CALD1: variants seen among roughly 807,000 people sequenced by gnomAD.
CALD1 encodes caldesmon.
CALD1 carries 33 observed loss-of-function variants against 99.9 expected under a neutral mutation model. That is an observed-to-expected ratio of 0.33 (90% CI 0.25 to 0.44). The LOEUF (loss-of-function observed/expected upper bound fraction) is 0.44, where lower values mean the gene tolerates loss of function less well. CALD1 is among the 20% of genes least tolerant of loss of function. The pLI is 1.00. For missense variants in CALD1, 861 were observed against 962.1 expected, an observed-to-expected ratio of 0.89 and a Z score of 1.39; for synonymous variants, 310 against 325.0, an observed-to-expected ratio of 0.95 and a Z score of 0.50.
intron 1 of CALD1, among the ~76,000 whole-genome samples, chr7:134,824,182 A>C (rs1334469054): frequency 6.6e-6 from 1 of 152,144 alleles, no homozygotes; most frequent in Non-Finnish European, 1.5e-5. Context: ...TACATACTGC[A>C]ATTTGTTTGG....
chr7:134,729,399 C>T, the CALD1 span, among the ~76,000 whole-genome samples: 3 of 152,220 alleles, frequency 2.0e-5, no homozygotes, highest in Admixed American at 6.5e-5. Flanking sequence ...AGGTGGTTTC[C>T]GATGTCTACC....
chr7:134,959,873 A>G, intron 11 of CALD1, 101 bp from the exon 12 acceptor site: 1 of 1,286,184 alleles, frequency 7.8e-7, no homozygotes, highest in Middle Eastern at 2.0e-4. Context: ...TGTTTACACA[A>G]TGAATTTTTA....
intron 3 of CALD1, among the ~76,000 whole-genome samples, chr7:134,892,339 C>T (rs772676658): frequency 2.6e-5 from 4 of 152,148 alleles, no homozygotes; most frequent in Non-Finnish European, 5.9e-5. Context: ...AGACAACAGT[C>T]GGTAGCAAAG....
chr7:134,757,751 C>T (rs575109456), intron 1 of CALD1, among the ~76,000 whole-genome samples: 43 of 152,026 alleles, frequency 2.8e-4, no homozygotes, highest in African/African-American at 3.1e-4. Flanking sequence ...TGGTGGTGCG[C>T]GCCTGTGATC....
intron 7 of CALD1, among the ~76,000 whole-genome samples, chr7:134,942,312 G>A (rs112622845): frequency 7.9e-5 from 12 of 152,264 alleles, no homozygotes; most frequent in South Asian, 2.1e-4. Context: ...AAAAGCAGGC[G>A]GAGCTACTAG....
intron 3 of CALD1, among the ~76,000 whole-genome samples, chr7:134,921,714 A>G (rs1804635215): frequency 6.6e-6 from 1 of 152,226 alleles, no homozygotes; most frequent in Non-Finnish European, 1.5e-5. Flanking sequence ...CGGGAGGCTG[A>G]GACACAAGAA....
chr7:134,963,994 C>G (rs987326323), intron 13 of CALD1, among the ~76,000 whole-genome samples: 1 of 152,060 alleles, frequency 6.6e-6, no homozygotes, highest in African/African-American at 2.4e-5. Flanking sequence ...GTCAGGAGAT[C>G]GAGACCATCC....
At chr7:134,773,717 T>C (rs1403744969) in intron 1 of CALD1, among the ~76,000 whole-genome samples, 1 of 152,170 alleles carries the variant, frequency 6.6e-6, no homozygotes, top group East Asian at 1.9e-4. Context: ...TCTTCTCTTA[T>C]CTCACTGAGA....
At chr7:134,842,454 T>C (rs1271829968) in intron 1 of CALD1, among the ~76,000 whole-genome samples, 11 of 152,210 alleles carry the variant, frequency 7.2e-5, no homozygotes, top group Admixed American at 5.2e-4. Flanking sequence ...AAGCAAATCA[T>C]ATTATGAAAA....
intron 1 of CALD1, among the ~76,000 whole-genome samples, chr7:134,796,311 G>A (rs1229701986): frequency 6.6e-6 from 1 of 152,196 alleles, no homozygotes; most frequent in East Asian, 1.9e-4. Flanking sequence ...TGATGCCAAG[G>A]TGGGGAGCAA....
intron 1 of CALD1, among the ~76,000 whole-genome samples, chr7:134,796,979 C>T (rs1585962581): frequency 6.6e-6 from 1 of 152,018 alleles, no homozygotes; most frequent in Admixed American, 6.6e-5. Context: ...AGACAGACTG[C>T]CATTCAATTG....
Position 134,933,187 on chromosome 7 carries a change from G to C in CALD1, c.418G>C (p.Asp140His). The change falls in exon 5 of 15, where the codon GAC becomes CAC. Residue 140 changes from aspartate to histidine, a missense_variant. By Grantham distance (81) the Asp-to-His change is moderately conservative. Transcript: ENST00000361675. ...LSLPSRRMQN[D>H]TAENETTEKE... ...GCTCCCAAGCAGAAGAATGCAAAAT[G>C]ACACAGCAGAAAATGAAACTACCGA... The C allele has an allele frequency of 1.9e-6, 3 of 1,612,654 alleles. No individual in the cohort carries two copies.
intron 7 of CALD1, chr7:134,944,553 A>G (rs1472413997): frequency 2.0e-5 from 3 of 151,904 alleles, no homozygotes; most frequent in Non-Finnish European, 4.4e-5. Context: ...TATAAAATCA[A>G]TATTGCACAG....
intron 7 of CALD1, among the ~76,000 whole-genome samples, chr7:134,943,068 G>A (rs902484873): frequency 6.6e-6 from 1 of 152,148 alleles, no homozygotes; most frequent in Non-Finnish European, 1.5e-5. Flanking sequence ...AGCCACCAAC[G>A]TATGTGAGTT....
At chr7:134,740,892 T>A (rs1206309922), upstream of CALD1, among the ~76,000 whole-genome samples, 1 of 152,252 alleles carries the variant, frequency 6.6e-6, no homozygotes, top group South Asian at 2.1e-4. Flanking sequence ...ATTCTTACCA[T>A]GTGCAAGGCA....
intron 1 of CALD1, among the ~76,000 whole-genome samples, chr7:134,826,751 C>T (rs1038278861): frequency 6.6e-6 from 1 of 152,046 alleles, no homozygotes; most frequent in Non-Finnish European, 1.5e-5. Context: ...ATAATTGGGG[C>T]CTCCATCTCA....
At chr7:134,963,616 G>A (rs1808444832) in intron 13 of CALD1, among the ~76,000 whole-genome samples, 1 of 152,198 alleles carries the variant, frequency 6.6e-6, no homozygotes, top group African/African-American at 2.4e-5. Flanking sequence ...GCAAATGCTG[G>A]AAGAAAAGTA....
At chr7:134,919,111 C>A (rs1563095414) in intron 3 of CALD1, among the ~76,000 whole-genome samples, 1 of 152,004 alleles carries the variant, frequency 6.6e-6, no homozygotes, top group African/African-American at 2.4e-5. Flanking sequence ...AATAATAAAC[C>A]CAAACAATTA....
At chr7:134,729,275 A>G in the CALD1 span, among the ~76,000 whole-genome samples, 2 of 152,212 alleles carry the variant, frequency 1.3e-5, no homozygotes, top group African/African-American at 4.8e-5. Context: ...CCTATCATAG[A>G]GTAGTATTAT....
Sources: gnomAD v4.1 joint callset for allele counts (sites outside exome capture counted in the v4.1 genomes callset) on GRCh38, gnomAD v4.1.1 for gene constraint, MANE v1.5 for transcripts, NCBI Gene and HGNC (gene_info 2026-07-23, HGNC 2026-07-21) for gene names.